Variants in ANKRD7 observed in about 807,000 individuals in gnomAD.
ANKRD7 encodes ankyrin repeat domain-containing protein 7.
In ANKRD7, 30 loss-of-function variants were observed where a neutral mutation model predicts 30.8. That is an observed-to-expected ratio of 0.97 (90% CI 0.73 to 1.32). ANKRD7 has a LOEUF of 1.32. Ranked by LOEUF, ANKRD7 falls within the 40% of genes most tolerant of loss-of-function variation. ANKRD7 has a pLI of 0.00. For synonymous variants in ANKRD7, 97 were observed against 106.6 expected, an observed-to-expected ratio of 0.91 and a Z score of 0.55; for missense variants, 264 against 295.7, an observed-to-expected ratio of 0.89 and a Z score of 0.79.
Position 118,234,487 on chromosome 7 carries a change from T to C in ANKRD7, c.236T>C (p.Ile79Thr), listed in dbSNP as rs1427057551. Residue 79 changes from isoleucine to threonine, a missense_variant, in exon 2 of 7, where the codon ATT becomes ACT. Coordinates refer to ENST00000265224, the MANE Select transcript of ANKRD7 (RefSeq NM_019644.4). ...CATACAGATGTTGTACTTTTCCTAA[T>C]TGAGCAACAATGCAAAATAAATGTC... ...NGHTDVVLFLIEQQCKINVRD... is the reference protein window; with the variant it reads ...NGHTDVVLFLTEQQCKINVRD... 4.3e-6 allele frequency: 7 copies of C among 1,613,208 alleles called. No homozygotes were observed. The highest frequency in any genetic ancestry group is 2.2e-5 in the East Asian group (1 of 44,802).
Position 118,239,894 on chromosome 7 carries a change from T to C in ANKRD7, c.713-15T>C, listed in dbSNP as rs1809795835. 2 of 1,555,966 alleles carry C rather than the reference T, an allele frequency of 1.3e-6. No individual in the cohort carries two copies. Among genetic ancestry groups the C allele is most frequent in the Non-Finnish European group, 8.8e-7 (1 of 1,135,594 alleles). On this transcript the variant is annotated splice_polypyrimidine_tract_variant and intron_variant, in intron 5 of 6. Transcript: ENST00000265224. ...TTCTATGCATGCTGGCATTCACACG[T>C]AATTTCCTTTATAGATAGATACCCA...
chr7:118,236,850 G>A lies in ANKRD7; in HGVS notation c.636G>A (p.Gln212=). ...EPPCLVKLLL[Q]QGVELCYEGI... is the part of the protein sequence containing the mutation. ...CATGTTTAGTAAAGCTTCTTCTTCAGCAAGGTGTGGAATTATGTTACGAAG... is the reference window on the plus strand; with the variant it reads ...CATGTTTAGTAAAGCTTCTTCTTCAACAAGGTGTGGAATTATGTTACGAAG... Residue 212 remains glutamine (Q), a synonymous_variant, in exon 5 of 7, where the codon CAG becomes CAA. Transcript: ENST00000265224. The A allele has an allele frequency of 5.0e-6, 8 of 1,614,006 alleles. No homozygotes were observed. The highest frequency in any genetic ancestry group is 6.8e-6 in the Non-Finnish European group (8 of 1,179,922).
chr7:118,240,022 G>GT (rs201097274), intron 6 of ANKRD7, 24 bp downstream of exon 6: 23 of 1,319,830 alleles, frequency 1.7e-5, no homozygotes, highest in East Asian at 2.7e-5. Context: ...CTGGATTAGT[G>GT]TTTTTTTCTT....
rs1562872732 is a variant in ANKRD7, at chr7:118,232,720, T to TG, written c.180-1711_180-1710insG. Among the ~76,000 whole-genome samples the TG allele has an allele frequency of 5.2e-3, 759 of 146,014 alleles. 7 individuals are homozygous for TG. The highest frequency in any genetic ancestry group is 0.018 in the African/African-American group (719 of 40,174). The stretch of plus-strand genomic sequence containing the variant: ...CTTTCTCTTAGTAAGAGCAGTGTGT[T>TG]TGTGTGTGTGTGTGTGTGTGTGTGT... On this transcript the variant is annotated intron_variant, in intron 1 of 6. Coordinates refer to ENST00000265224, the MANE Select transcript of ANKRD7 (RefSeq NM_019644.4).
At position 118,229,533 on chromosome 7, in the gene ANKRD7, A is replaced by G. The variant is rs145641426; in HGVS notation, c.179+4524A>G. ...AATAAATGAATGAAAGGATGAATAC[A>G]TACATATATACACATATAAATGGGA... On this transcript the variant is annotated intron_variant, in intron 1 of 6. Transcript: ENST00000265224. 5.0e-3 allele frequency among the ~76,000 whole-genome samples: 763 copies of G among 152,278 alleles called. 6 individuals carry two copies. The highest frequency in any genetic ancestry group is 0.017 in the African/African-American group (703 of 41,564).
chr7:118,236,950 A>G (rs1265357128), intron 5 of ANKRD7, 24 bp downstream of exon 5: 17 of 1,611,664 alleles, frequency 1.1e-5, no homozygotes, highest in Non-Finnish European at 1.4e-5. Context: ...CATGTCTTTT[A>G]ACAACTGTAT....
At chr7:118,230,024 G>T (rs62468163) in intron 1 of ANKRD7, among the ~76,000 whole-genome samples, 50 of 151,912 alleles carry the variant, frequency 3.3e-4, no homozygotes, top group Admixed American at 3.1e-3. Flanking sequence ...TCGAAGGAAC[G>T]TACCTCAAAA....
In ANKRD7 at chr7:118,236,913, C is replaced by G; in HGVS notation, c.699C>G (p.Ser233=). 1 of 1,613,730 alleles carries G rather than the reference C, an allele frequency of 6.2e-7. No homozygotes were observed. The part of the protein sequence containing the change: ...VDSQLRNMFI[S]MVLLHRYPQF... ...CACAGCTGAGGAATATGTTTATTTC[C>G]ATGGTTTTACTGCGTAAGTGATACT... The change falls in exon 5 of 7, where the codon TCC becomes TCG. Residue 233 remains serine (S), a synonymous_variant. Coordinates refer to ENST00000265224, the MANE Select transcript of ANKRD7 (RefSeq NM_019644.4).
Position 118,239,981 on chromosome 7 carries a change from A to G in ANKRD7, c.*20A>G. ...AAATAGACACCTTATTCTTGGCACT[A>G]CATGTGACTAAAGGAAGGTAAGATT... On this transcript the variant is annotated 3_prime_UTR_variant, in exon 6 of 7. Coordinates refer to ENST00000265224, the MANE Select transcript of ANKRD7 (RefSeq NM_019644.4). The G allele has an allele frequency of 1.3e-6, 2 of 1,547,450 alleles. No individual in the cohort carries two copies. Among genetic ancestry groups the G allele is most frequent in the Non-Finnish European group, 1.8e-6 (2 of 1,140,586 alleles).
At chr7:118,231,793 G>C (rs1302730186) in intron 1 of ANKRD7, among the ~76,000 whole-genome samples, 1 of 152,010 alleles carries the variant, frequency 6.6e-6, no homozygotes, top group East Asian at 1.9e-4. Flanking sequence ...ATCGATATAT[G>C]AGAGAGTGAG....
chr7:118,242,098 T>A (rs1859135), intron 6 of ANKRD7, among the ~76,000 whole-genome samples: 4,901 of 152,326 alleles, frequency 0.032, 134 homozygotes, highest in East Asian at 0.077. Flanking sequence ...TTAATCTTAA[T>A]TAATGTTTTA....
Position 118,242,543 on chromosome 7 carries a change from G to A in ANKRD7, c.*232G>A, listed in dbSNP as rs1282163134. The A allele has an allele frequency of 1.3e-5, 2 of 151,274 alleles. No homozygotes were observed. Among genetic ancestry groups the A allele is most frequent in the Non-Finnish European group, 2.9e-5 (2 of 67,890 alleles). 9.4% of individuals were successfully genotyped at this position (151,274 alleles called of 1,614,324 possible). A position where few individuals can be genotyped will look rare whatever the true frequency, so the allele number is the denominator to read the frequency against. ...ATTTTAAAAGATAAACATCTATATT[G>A]TGAACCATCAGCTGAAAAGATAAAT... On this transcript the variant is annotated 3_prime_UTR_variant, in exon 7 of 7. Coordinates refer to ENST00000265224, the MANE Select transcript of ANKRD7 (RefSeq NM_019644.4).
chr7:118,226,878 G>T (rs1026198052), intron 1 of ANKRD7, among the ~76,000 whole-genome samples: 1 of 152,092 alleles, frequency 6.6e-6, no homozygotes, highest in Non-Finnish European at 1.5e-5. Flanking sequence ...AACCTACACA[G>T]TTCAAACACC....
chr7:118,236,178 T>C (rs1809725295), intron 4 of ANKRD7, 31 bp downstream of exon 4: 1 of 1,303,824 alleles, frequency 7.7e-7, no homozygotes, highest in Non-Finnish European at 1.1e-6. Context: ...AGCACATAAC[T>C]AAAGCTACCT....
chr7:118,228,527 T>C (rs1028660486), intron 1 of ANKRD7, among the ~76,000 whole-genome samples: 3 of 152,172 alleles, frequency 2.0e-5, no homozygotes, highest in Non-Finnish European at 4.4e-5. Context: ...ACAGTTAGCT[T>C]GTAAGAACCA....
chr7:118,240,920 C>T (rs990289029), intron 6 of ANKRD7, among the ~76,000 whole-genome samples: 15 of 149,968 alleles, frequency 1.0e-4, no homozygotes, highest in East Asian at 5.9e-4. Flanking sequence ...TTTGGGAAGC[C>T]GAGGCGGGTG....
chr7:118,241,758 C>T (rs1433944374), intron 6 of ANKRD7, among the ~76,000 whole-genome samples: 11 of 151,794 alleles, frequency 7.2e-5, no homozygotes, highest in African/African-American at 2.7e-4. Context: ...AGGCTGGTCT[C>T]GAACTCCTGA....
chr7:118,231,053 A>G (rs1177513437), intron 1 of ANKRD7, among the ~76,000 whole-genome samples: 1 of 152,076 alleles, frequency 6.6e-6, no homozygotes, highest in Non-Finnish European at 1.5e-5. Context: ...GCCTAGCAGG[A>G]AAAACATTGT....
Position 118,227,862 on chromosome 7 carries a change from A to AGTTAGG in ANKRD7, c.179+2854_179+2859dup, listed in dbSNP as rs1303604116. 9 of 1,333,032 alleles carry AGTTAGG rather than the reference A, an allele frequency of 6.8e-6. No individual in the cohort carries two copies. The East Asian group carries it at 4.1e-4, about 61-fold the overall frequency. 82.6% of individuals were successfully genotyped at this position (1,333,032 alleles called of 1,614,324 possible). On this transcript the variant is annotated intron_variant, in intron 1 of 6. Coordinates refer to ENST00000265224, the MANE Select transcript of ANKRD7 (RefSeq NM_019644.4). ...ACAGGTGGGTAAGTGAAAACTATACAGTTAGGAAAAGGATTTGTATTTAGC... is the reference window on the plus strand; with the variant it reads ...ACAGGTGGGTAAGTGAAAACTATACAGTTAGGGTTAGGAAAAGGATTTGTATTTAGC...
Sources: allele counts gnomAD v4.1 joint callset (sites outside exome capture counted in the v4.1 genomes callset), GRCh38; gene constraint gnomAD v4.1.1; transcripts MANE v1.5; gene names NCBI Gene and HGNC (gene_info 2026-07-23, HGNC 2026-07-21).